FAT4: variants seen among roughly 807,000 people sequenced by gnomAD.
FAT4 encodes the protein protocadherin Fat 4.
FAT4 carries 84 observed loss-of-function variants against 303.9 expected under a neutral mutation model. The ratio of observed to expected loss-of-function variants is 0.28; its 90% CI spans 0.23 to 0.33. The LOEUF (loss-of-function observed/expected upper bound fraction) is 0.33. Ranked by LOEUF, FAT4 falls within the 10% of genes least tolerant of loss-of-function variation. The probability of loss-of-function intolerance (pLI) is 1.00; values close to 1 mark genes in which losing one functional copy is unlikely to be tolerated. For synonymous variants in FAT4, 2,307 were observed against 2,298.8 expected (o/e 1.00, Z -0.10); for missense variants, 6,005 against 6,146.8 (o/e 0.98, Z 0.77).
intron 2 of FAT4, among the ~76,000 whole-genome samples, chr4:125,366,772 G>A (rs1027986541): frequency 1.3e-5 from 2 of 151,754 alleles, no homozygotes; most frequent in Non-Finnish European, 2.9e-5. Flanking sequence ...TTATTTTTTT[G>A]ACTTTTTAGT....
chr4:125,486,974 C>T (rs887937115), intron 16 of FAT4, among the ~76,000 whole-genome samples: 9 of 152,104 alleles, frequency 5.9e-5, no homozygotes, highest in South Asian at 2.1e-4. Context: ...TTTTACTAAA[C>T]GAACCAGCAT....
intron 2 of FAT4, among the ~76,000 whole-genome samples, chr4:125,385,337 C>A (rs986949030): frequency 6.6e-6 from 1 of 152,022 alleles, no homozygotes; most frequent in African/African-American, 2.4e-5. Flanking sequence ...TTAGAAACTT[C>A]TTGGTCATCC....
intron 10 of FAT4, among the ~76,000 whole-genome samples, chr4:125,454,177 A>G (rs1726198602): frequency 6.6e-6 from 1 of 152,232 alleles, no homozygotes; most frequent in South Asian, 2.1e-4. Flanking sequence ...TGTATTACAG[A>G]ATAATATTTT....
At chr4:125,407,245 A>T in intron 4 of FAT4, 104 bp downstream of exon 4, 3 of 953,736 alleles carry the variant, frequency 3.1e-6, no homozygotes, top group Non-Finnish European at 4.8e-6. Flanking sequence ...TTTTAATCAT[A>T]TACTACTAGT....
intron 8 of FAT4, among the ~76,000 whole-genome samples, chr4:125,437,613 C>T (rs1010731442): frequency 6.6e-6 from 1 of 152,122 alleles, no homozygotes; most frequent in Non-Finnish European, 1.5e-5. Context: ...CAGAGAGAGG[C>T]AGGTACAACT....
chr4:125,317,052 C>A lies in FAT4; in HGVS notation c.641C>A (p.Pro214Gln). 1 of 1,614,044 alleles carries A rather than the reference C, an allele frequency of 6.2e-7. No individual in the cohort carries two copies. The highest frequency in any genetic ancestry group is 8.5e-7 in the Non-Finnish European group (1 of 1,180,046). The change falls in exon 2 of 18, where the codon CCG (proline) becomes CAG (glutamine). Residue 214 changes from proline to glutamine, a missense_variant. Coordinates refer to ENST00000394329, the MANE Select transcript of FAT4 (RefSeq NM_001291303.3). This position sits in a 1 kb window ranked among gnomAD's most constrained non-coding sequence, Gnocchi z 7.0. The stretch of plus-strand genomic sequence containing the variant: ...GGCGGACTGGACCGTGAGGTCACTC[C>A]GCAGTACCAGCTCCTGGTTGAGGTG... ...SKGGLDREVT[P>Q]QYQLLVEVED...
At position 125,450,612 on chromosome 4, in the gene FAT4, A is replaced by G. The variant is rs115895451; in HGVS notation, c.9602A>G (p.Tyr3201Cys). Residue 3201 changes from tyrosine to cysteine, a missense_variant, in exon 10 of 18, where the codon TAT becomes TGT. Transcript: ENST00000394329. ...TCTCCAGTATTCCTCTCTGATGACTATTTCCCTACTGTTTTGGAAAATGCC... is the reference window on the plus strand; with the variant it reads ...TCTCCAGTATTCCTCTCTGATGACTGTTTCCCTACTGTTTTGGAAAATGCC... Reference protein sequence around the residue: ...DNSPVFLSDDYFPTVLENAPS... With the variant: ...DNSPVFLSDDCFPTVLENAPS... 117 of 1,614,076 alleles carry G rather than the reference A, an allele frequency of 7.2e-5. No homozygotes were observed. The African/African-American group carries it at 1.3e-3, about 19-fold the overall frequency.
chr4:125,476,332 A>ATTTT, intron 13 of FAT4, 76 bp downstream of exon 13: 1 of 715,240 alleles, frequency 1.4e-6, no homozygotes, highest in Non-Finnish European at 2.2e-6. Context: ...AAAAATAATT[A>ATTTT]TAGGATGCTA....
At chr4:125,386,436 A>G (rs1733752213) in intron 2 of FAT4, among the ~76,000 whole-genome samples, 1 of 151,866 alleles carries the variant, frequency 6.6e-6, no homozygotes, top group Non-Finnish European at 1.5e-5. Context: ...CACCTGGCTA[A>G]TTTTTGTATT....
rs577981337 is a variant in FAT4, at chr4:125,373,049, A to G, written c.5176-25735A>G. Among the ~76,000 whole-genome samples the G allele has an allele frequency of 2.0e-5, 3 of 152,318 alleles. No individual in the cohort carries two copies. In the East Asian group the frequency reaches 5.8e-4, roughly 29 times the overall value. ...AAATAAAACATTACCTTTTATTATAACAAAATTCAGAAAATACACAAAATA... is the reference window on the plus strand; with the variant it reads ...AAATAAAACATTACCTTTTATTATAGCAAAATTCAGAAAATACACAAAATA... On this transcript the variant is annotated intron_variant, in intron 2 of 17. Coordinates refer to ENST00000394329, the MANE Select transcript of FAT4 (RefSeq NM_001291303.3).
chr4:125,477,346 T>C lies in FAT4; in HGVS notation c.12479+12T>C. The C allele has an allele frequency of 1.3e-6, 2 of 1,536,928 alleles. No individual in the cohort carries two copies. The highest frequency in any genetic ancestry group is 1.3e-5 in the South Asian group (1 of 79,650). ...GGCATCCTAGATCAGTATGGCGATTTTATTTCTTACTGTTTTAAAGAAAAA... is the reference window on the plus strand; with the variant it reads ...GGCATCCTAGATCAGTATGGCGATTCTATTTCTTACTGTTTTAAAGAAAAA... On this transcript the variant is annotated intron_variant, in intron 14 of 17. Transcript: ENST00000394329.
intron 2 of FAT4, among the ~76,000 whole-genome samples, chr4:125,375,935 T>C (rs983331415): frequency 6.6e-6 from 1 of 152,196 alleles, no homozygotes; most frequent in African/African-American, 2.4e-5. Flanking sequence ...ATTTTATATA[T>C]GAAGTTGTTG....
intron 12 of FAT4, among the ~76,000 whole-genome samples, chr4:125,469,027 G>A (rs762982971): frequency 6.6e-6 from 1 of 152,176 alleles, no homozygotes; most frequent in Admixed American, 6.5e-5. Context: ...AGCCTAGTGC[G>A]TGAAATAATT....
intron 11 of FAT4, among the ~76,000 whole-genome samples, chr4:125,467,920 T>A (rs1726721840): frequency 6.6e-6 from 1 of 152,142 alleles, no homozygotes; most frequent in African/African-American, 2.4e-5. Context: ...ATCCCAACAC[T>A]TTGGGAGGCT....
Position 125,316,551 on chromosome 4 carries a change from A to G in FAT4, c.140A>G (p.Gln47Arg), listed in dbSNP as rs763847574. The G allele has an allele frequency of 1.2e-6, 2 of 1,614,064 alleles. No homozygotes were observed. Among genetic ancestry groups the G allele is most frequent in the South Asian group, 1.1e-5 (1 of 91,080 alleles). Residue 47 changes from glutamine to arginine, a missense_variant, in exon 2 of 18, where the codon CAG (glutamine) becomes CGG (arginine). Coordinates refer to ENST00000394329, the MANE Select transcript of FAT4 (RefSeq NM_001291303.3). The surrounding 1 kb of genome is among the most constrained non-coding windows in gnomAD (Gnocchi z 5.7). The part of the protein sequence containing the change: ...QAWVHGAEPR[Q>R]VFQVLEEQPP... ...TGGGTCCACGGGGCCGAGCCGCGCC[A>G]GGTGTTCCAAGTGCTGGAAGAGCAA... is the stretch of plus-strand genomic sequence containing the variant.
intron 10 of FAT4, among the ~76,000 whole-genome samples, chr4:125,461,022 T>A (rs12644250): frequency 0.048 from 7,337 of 152,170 alleles, 199 homozygotes; most frequent in East Asian, 0.062. Context: ...TTAAGTTTTA[T>A]AGGAAATTCG....
chr4:125,372,645 C>A (rs530880396), intron 2 of FAT4, among the ~76,000 whole-genome samples: 1 of 151,974 alleles, frequency 6.6e-6, no homozygotes, highest in Non-Finnish European at 1.5e-5. Flanking sequence ...ACATACGTGG[C>A]ACAATGATTC....
intron 5 of FAT4, among the ~76,000 whole-genome samples, chr4:125,411,961 G>T (rs1393000425): frequency 1.3e-5 from 2 of 151,394 alleles, no homozygotes; most frequent in Non-Finnish European, 3.0e-5. Flanking sequence ...AACACAAATG[G>T]TTCACAGTGG....
At chr4:125,345,551 G>C (rs560959456) in intron 2 of FAT4, among the ~76,000 whole-genome samples, 6 of 151,662 alleles carry the variant, frequency 4.0e-5, no homozygotes, top group African/African-American at 1.5e-4. Context: ...TTTAAATATA[G>C]TTAATATTAA....
Sources: gnomAD v4.1 joint callset for allele counts (sites outside exome capture counted in the v4.1 genomes callset) on GRCh38, gnomAD v4.1.1 for gene constraint, Gnocchi (gnomAD v3.1) non-coding constraint, MANE v1.5 for transcripts, NCBI Gene and HGNC (gene_info 2026-07-23, HGNC 2026-07-21) for gene names.